The following P3H2 variants were observed in gnomAD, a reference collection of about 807,000 sequenced individuals.
P3H2 encodes prolyl 3-hydroxylase 2.
A neutral mutation model predicts 87.0 loss-of-function variants in P3H2; 80 were observed. The observed-to-expected ratio is 0.92, with a 90% CI of 0.77 to 1.11. P3H2 has a LOEUF of 1.11. Among genes scored for constraint, P3H2 ranks in the 50% least tolerant of loss-of-function variants. The pLI is 0.00. For synonymous variants in P3H2, 367 were observed against 359.3 expected, an observed-to-expected ratio of 1.02 and a Z score of -0.24; for missense variants, 1,001 against 923.9, an observed-to-expected ratio of 1.08 and a Z score of -1.08.
At chr3:190,061,911 A>AC (rs1726342825) in intron 1 of P3H2, among the ~76,000 whole-genome samples, 1 of 152,188 alleles carries the variant, frequency 6.6e-6, no homozygotes, top group African/African-American at 2.4e-5. Context: ...AACACAAAAC[A>AC]CAACTACTAT....
At chr3:190,076,259 G>C (rs1726874735) in intron 1 of P3H2, among the ~76,000 whole-genome samples, 1 of 151,846 alleles carries the variant, frequency 6.6e-6, no homozygotes. Flanking sequence ...TATGTGCTTT[G>C]GCAGGAGCAC....
intron 4 of P3H2, 84 bp downstream of exon 4, chr3:189,988,823 A>T: frequency 6.5e-7 from 1 of 1,528,386 alleles, no homozygotes; most frequent in East Asian, 2.3e-5. Context: ...TGAAGAAGTC[A>T]GAAAACTCAA....
At chr3:190,119,932 G>A (rs1712469140) in intron 1 of P3H2, among the ~76,000 whole-genome samples, 1 of 152,108 alleles carries the variant, frequency 6.6e-6, no homozygotes, top group African/African-American at 2.4e-5. Context: ...GAAGGGAGAA[G>A]ATAAATTGTA....
chr3:190,074,367 C>T (rs1215405075), intron 1 of P3H2, among the ~76,000 whole-genome samples: 3 of 151,912 alleles, frequency 2.0e-5, no homozygotes, highest in South Asian at 2.1e-4. Flanking sequence ...AAAAATTAGC[C>T]GGGTACAGTG....
In P3H2 at chr3:190,100,834, G is replaced by C. The variant is rs188724092; in HGVS notation, c.480+19418C>G. Among the ~76,000 whole-genome samples, 187 of 152,044 alleles carry C rather than the reference G, an allele frequency of 1.2e-3. 1 individual carries two copies. The highest frequency in any genetic ancestry group is 4.3e-3 in the African/African-American group (180 of 41,464). On this transcript the variant is annotated intron_variant, in intron 1 of 14. Coordinates refer to ENST00000319332, the MANE Select transcript of P3H2 (RefSeq NM_018192.4). ...GCTTCTGATTGTGCTTCATTTTATTGCACTTTCCAGATATTGTTTTTCACA... is the reference window on the plus strand; with the variant it reads ...GCTTCTGATTGTGCTTCATTTTATTCCACTTTCCAGATATTGTTTTTCACA...
rs752518027 is a variant in P3H2 at position 189,988,982 on chromosome 3, G to T, written c.880C>A (p.Arg294Ser). 1.3e-5 allele frequency: 21 copies of T among 1,613,902 alleles called. No homozygotes were observed. Among genetic ancestry groups the T allele is most frequent in the Non-Finnish European group, 1.7e-5 (20 of 1,179,996 alleles). ...QHECVRELAT[R>S]PGRLSPIENF... ...TCGATGGGAGAGAGGCGGCCAGGGCGGGTGGCAAGTTCCCTCACACATTCA... is the reference window on the plus strand; with the variant it reads ...TCGATGGGAGAGAGGCGGCCAGGGCTGGTGGCAAGTTCCCTCACACATTCA... The change falls in exon 4 of 15, where the codon CGC (arginine) becomes AGC (serine). Residue 294 changes from arginine to serine, a missense_variant. By Grantham distance (110) the Arg-to-Ser change is moderately radical (BLOSUM62 -1). Coordinates refer to ENST00000319332, the MANE Select transcript of P3H2 (RefSeq NM_018192.4).
chr3:189,981,070 C>G (rs555623446), intron 8 of P3H2, among the ~76,000 whole-genome samples: 1 of 152,222 alleles, frequency 6.6e-6, no homozygotes, highest in Non-Finnish European at 1.5e-5. Context: ...GCTCCTCCTG[C>G]CATCCCCCCA....
intron 1 of P3H2, among the ~76,000 whole-genome samples, chr3:190,026,828 A>T (rs934182273): frequency 1.3e-5 from 2 of 152,230 alleles, no homozygotes; most frequent in Non-Finnish European, 2.9e-5. Flanking sequence ...TGAAAATATC[A>T]TACGGGTATT....
intron 1 of P3H2, among the ~76,000 whole-genome samples, chr3:190,077,666 A>G (rs968082900): frequency 6.6e-6 from 1 of 152,230 alleles, no homozygotes; most frequent in Admixed American, 6.5e-5. Flanking sequence ...GTGAGACTCA[A>G]AAGATACAAT....
chr3:190,021,356 T>G (rs1378279818), intron 1 of P3H2, among the ~76,000 whole-genome samples: 1 of 135,222 alleles, frequency 7.4e-6, no homozygotes, highest in Non-Finnish European at 1.7e-5. Context: ...GTCATTTCCT[T>G]AAGATTGAAA....
intron 1 of P3H2, among the ~76,000 whole-genome samples, chr3:190,052,527 T>C (rs1157469709): frequency 6.6e-6 from 1 of 151,766 alleles, no homozygotes; most frequent in African/African-American, 2.4e-5. Flanking sequence ...TTGATTGAGA[T>C]CTTTCTCCAT....
At chr3:190,001,740 T>C (rs1489845339) in intron 1 of P3H2, among the ~76,000 whole-genome samples, 1 of 151,402 alleles carries the variant, frequency 6.6e-6, no homozygotes, top group Non-Finnish European at 1.5e-5. Flanking sequence ...CTGTAAGATG[T>C]GTGTGTGTAT....
intron 8 of P3H2, among the ~76,000 whole-genome samples, chr3:189,979,741 C>A (rs1258878623): frequency 6.6e-6 from 1 of 151,790 alleles, no homozygotes; most frequent in Non-Finnish European, 1.5e-5. Context: ...GCGGGTGGAT[C>A]AACTGAGGTC....
intron 1 of P3H2, among the ~76,000 whole-genome samples, chr3:190,026,324 G>C (rs1349062229): frequency 6.6e-6 from 1 of 152,140 alleles, no homozygotes; most frequent in Non-Finnish European, 1.5e-5. Flanking sequence ...AGGCGTACTG[G>C]GCTGCATTCC....
At chr3:190,042,001 T>G (rs1436662978) in intron 1 of P3H2, among the ~76,000 whole-genome samples, 1 of 152,252 alleles carries the variant, frequency 6.6e-6, no homozygotes, top group Non-Finnish European at 1.5e-5. Flanking sequence ...CAATTCTTTA[T>G]TCTTAATGAT....
intron 1 of P3H2, among the ~76,000 whole-genome samples, chr3:190,113,709 T>C (rs1215552518): frequency 1.3e-5 from 2 of 152,146 alleles, no homozygotes; most frequent in Non-Finnish European, 1.5e-5. Flanking sequence ...GAGCAGATGA[T>C]ATTAGTAACA....
At chr3:190,043,894 TA>T (rs950096763) in intron 1 of P3H2, among the ~76,000 whole-genome samples, 69 of 152,306 alleles carry the variant, frequency 4.5e-4, no homozygotes, top group African/African-American at 1.6e-3. Context: ...AAATCTGCCT[TA>T]AAATCATGCT....
intron 1 of P3H2, among the ~76,000 whole-genome samples, chr3:190,100,251 C>CCT (rs1711570533): frequency 2.1e-5 from 1 of 47,112 alleles, no homozygotes; most frequent in Admixed American, 1.8e-4. Flanking sequence ...CCCCCCGCCG[C>CCT]CCCCCCCCCC....
chr3:189,977,141 A>G (rs1723373453), intron 8 of P3H2, among the ~76,000 whole-genome samples: 1 of 152,226 alleles, frequency 6.6e-6, no homozygotes, highest in African/African-American at 2.4e-5. Context: ...TTGCCTCCCA[A>G]CATTCATACA....
Sources: gnomAD v4.1 joint callset for allele counts (sites outside exome capture counted in the v4.1 genomes callset) on GRCh38, gnomAD v4.1.1 for gene constraint, MANE v1.5 for transcripts, NCBI Gene and HGNC (gene_info 2026-07-23, HGNC 2026-07-21) for gene names.